SCPEP1: variants seen among roughly 807,000 people sequenced by gnomAD.
SCPEP1 encodes serine carboxypeptidase 1.
In SCPEP1, 51 loss-of-function variants were observed where a neutral mutation model predicts 63.8. The observed-to-expected ratio is 0.80, with a 90% CI of 0.64 to 1.01. SCPEP1 has a LOEUF of 1.01. SCPEP1 is among the 50% of genes least tolerant of loss of function. The pLI, the probability that SCPEP1 is intolerant of heterozygous loss-of-function variation, is 0.00. For synonymous variants in SCPEP1, 204 were observed against 207.8 expected, an observed-to-expected ratio of 0.98 and a Z score of 0.16; for missense variants, 499 against 554.9, an observed-to-expected ratio of 0.90 and a Z score of 1.01.
intron 5 of SCPEP1, 105 bp from the exon 6 acceptor site, chr17:56,990,994 A>G: frequency 1.2e-6 from 1 of 857,014 alleles, no homozygotes; most frequent in Non-Finnish European, 2.0e-6. Context: ...CTGGTCTTGT[A>G]TTCCTAGGCT....
chr17:56,995,381 C>A, intron 7 of SCPEP1, 126 bp from the exon 8 acceptor site: 3 of 977,464 alleles, frequency 3.1e-6, no homozygotes, highest in Non-Finnish European at 4.6e-6. Context: ...TGTAACAATA[C>A]ACTTTGATAT....
chr17:56,996,989 A>C lies in SCPEP1; in HGVS notation c.814A>C (p.Ile272Leu). The change falls in exon 9 of 13, where the codon ATC becomes CTC. Residue 272 changes from isoleucine (I) to leucine (L), a missense_variant. By Grantham distance (5) the Ile-to-Leu change is conservative. Coordinates refer to ENST00000262288, the MANE Select transcript of SCPEP1 (RefSeq NM_021626.3). ...QNTDGVNFYNILTKSTPTSTM... is the reference protein window; with the variant it reads ...QNTDGVNFYNLLTKSTPTSTM... ...CACAGATGGGGTGAACTTCTATAACATCTTAACTAAAAGCACTCCCACGTC... is the reference window on the plus strand; with the variant it reads ...CACAGATGGGGTGAACTTCTATAACCTCTTAACTAAAAGCACTCCCACGTC... 6.2e-7 allele frequency: 1 copy of C among 1,609,986 alleles called. No homozygotes were observed. Among genetic ancestry groups the C allele is most frequent in the Admixed American group, 1.7e-5 (1 of 59,288 alleles).
intron 12 of SCPEP1, among the ~76,000 whole-genome samples, chr17:57,004,689 G>A (rs747353029): frequency 6.6e-6 from 1 of 152,102 alleles, no homozygotes; most frequent in Non-Finnish European, 1.5e-5. Flanking sequence ...CACATAGACC[G>A]AAGGTACTTT....
Position 57,006,151 on chromosome 17 carries a change from C to T in SCPEP1, c.1297-22C>T, listed in dbSNP as rs201281220. ...CCAGGAATAGCACCAGGAGCACTAA[C>T]TCAGATGTTGTTTTTTTCTAGGTTC... is the stretch of plus-strand genomic sequence containing the variant. On this transcript the variant is annotated intron_variant, in intron 12 of 12. Coordinates refer to ENST00000262288, the MANE Select transcript of SCPEP1 (RefSeq NM_021626.3). The T allele has an allele frequency of 3.1e-4, 494 of 1,600,254 alleles. 3 individuals are homozygous for T. The highest frequency in any genetic ancestry group is 3.2e-5 in the Non-Finnish European group (38 of 1,171,494).
chr17:57,001,869 C>T (rs1911748002), intron 11 of SCPEP1, 149 bp from the exon 12 acceptor site: 1 of 835,618 alleles, frequency 1.2e-6, no homozygotes, highest in South Asian at 1.8e-5. Context: ...CTACCCTGAT[C>T]TTCTGAATCA....
intron 10 of SCPEP1, among the ~76,000 whole-genome samples, chr17:56,999,158 G>C (rs12602586): frequency 0.5 from 76,285 of 151,894 alleles, 19,565 homozygotes; most frequent in African/African-American, 0.55. Context: ...AAGCTACATC[G>C]AAGGCCACAG....
intron 3 of SCPEP1, among the ~76,000 whole-genome samples, chr17:56,986,686 C>T (rs1399638491): frequency 6.6e-6 from 1 of 152,104 alleles, no homozygotes; most frequent in Non-Finnish European, 1.5e-5. Context: ...GCTGGGACTA[C>T]AGGCGCCCGC....
chr17:56,993,756 T>A (rs185945950), intron 6 of SCPEP1, among the ~76,000 whole-genome samples: 121 of 152,300 alleles, frequency 7.9e-4, no homozygotes, highest in Non-Finnish European at 1.4e-3. Flanking sequence ...CGGTAAAAGT[T>A]AATTTACTGT....
At position 57,003,554 on chromosome 17, in the gene SCPEP1, A is replaced by C. The variant is rs138523155; in HGVS notation, c.1296+1373A>C. ...CAGCATTGTGGTTTGCGATGGAGGG[A>C]ATTTGCACAAGCTGAGTTTGAATTG... is the stretch of plus-strand genomic sequence containing the variant. On this transcript the variant is annotated intron_variant, in intron 12 of 12. Transcript: ENST00000262288. Among the ~76,000 whole-genome samples, 185 of 152,252 alleles carry C rather than the reference A, an allele frequency of 1.2e-3. 1 individual carries two copies. The highest frequency in any genetic ancestry group is 8.1e-3 in the South Asian group (39 of 4,822).
chr17:57,005,262 G>A lies in SCPEP1; in HGVS notation c.1297-911G>A, dbSNP rs1911849504. Among the ~76,000 whole-genome samples the A allele has an allele frequency of 2.6e-5, 4 of 152,154 alleles. No individual in the cohort carries two copies. In the South Asian group the frequency reaches 8.3e-4, roughly 31 times the overall value. ...GATGCTCAGCCTGCCCTAGAGAGAA[G>A]TCCCTGACGAGGCTGGTAGGAAGGC... On this transcript the variant is annotated intron_variant, in intron 12 of 12. Transcript: ENST00000262288.
Position 56,981,165 on chromosome 17 carries a change from T to C in SCPEP1, c.160T>C (p.Trp54Arg). Residue 54 changes from tryptophan to arginine, a missense_variant, in exon 2 of 13, where the codon TGG becomes CGG. Coordinates refer to ENST00000262288, the MANE Select transcript of SCPEP1 (RefSeq NM_021626.3). Reference protein sequence around the residue: ...TVRKDAYMFWWLYYATNSCKN... With the variant: ...TVRKDAYMFWRLYYATNSCKN... Reference sequence around the variant, plus strand: ...CCGCAAGGATGCCTACATGTTCTGGTGGCTCTATTATGCCACCAACTCCTG... The same window carrying C: ...CCGCAAGGATGCCTACATGTTCTGGCGGCTCTATTATGCCACCAACTCCTG... 1 of 1,614,168 alleles carries C rather than the reference T, an allele frequency of 6.2e-7. No individual in the cohort carries two copies. Among genetic ancestry groups the C allele is most frequent in the Non-Finnish European group, 8.5e-7 (1 of 1,180,024 alleles).
In SCPEP1 at chr17:56,981,213, C is replaced by G; in HGVS notation, c.208C>G (p.Leu70Val). Residue 70 changes from leucine to valine, a missense_variant, in exon 2 of 13, where the codon CTG becomes GTG. By Grantham distance (32) the Leu-to-Val change is conservative (BLOSUM62 1). Transcript: ENST00000262288. Reference sequence around the variant, plus strand: ...CTGCAAGAACTTCTCAGAACTGCCCCTGGTCATGTGGCTTCAGGTAAAGTA... The same window carrying G: ...CTGCAAGAACTTCTCAGAACTGCCCGTGGTCATGTGGCTTCAGGTAAAGTA... ...NSCKNFSELP[L>V]VMWLQGGPGG... is the part of the protein sequence containing the mutation. 1 of 1,614,172 alleles carries G rather than the reference C, an allele frequency of 6.2e-7. No individual in the cohort carries two copies. Among genetic ancestry groups the G allele is most frequent in the East Asian group, 2.2e-5 (1 of 44,880 alleles).
chr17:56,988,353 T>A, intron 5 of SCPEP1, 63 bp downstream of exon 5: 1 of 1,235,328 alleles, frequency 8.1e-7, no homozygotes. Context: ...TACTTTTATG[T>A]ACTCACGTGC....
Position 56,996,981 on chromosome 17 carries a change from T to C in SCPEP1, c.806T>C (p.Phe269Ser), listed in dbSNP as rs901397045. 1.2e-6 allele frequency: 2 copies of C among 1,607,290 alleles called. No homozygotes were observed. The highest frequency in any genetic ancestry group is 2.7e-5 in the African/African-American group (2 of 74,630). The change falls in exon 9 of 13, where the codon TTC becomes TCC. Residue 269 changes from phenylalanine (F) to serine (S), a missense_variant. Physicochemically the swap from Phe to Ser is radical, Grantham distance 155. Transcript: ENST00000262288. Reference sequence around the variant, plus strand: ...TTTCAGAACACAGATGGGGTGAACTTCTATAACATCTTAACTAAAAGCACT... The same window carrying C: ...TTTCAGAACACAGATGGGGTGAACTCCTATAACATCTTAACTAAAAGCACT... ...IIEQNTDGVN[F>S]YNILTKSTPT...
chr17:56,978,134 G>A lies in SCPEP1; in HGVS notation c.-26G>A. 8.2e-7 allele frequency: 1 copy of A among 1,214,398 alleles called. No individual in the cohort carries two copies. The highest frequency in any genetic ancestry group is 1.2e-6 in the Non-Finnish European group (1 of 839,962). The allele number at this position is 1,214,398 out of a possible 1,614,324, so 75.2% of individuals were successfully genotyped here. ...GATGGGGCGCCGGGTCCAGCCTGTT[G>A]CTGATGCTGCCGTGCGGTACTTGTC... On this transcript the variant is annotated 5_prime_UTR_variant, in exon 1 of 13. Transcript: ENST00000262288.
intron 1 of SCPEP1, 88 bp downstream of exon 1, chr17:56,978,323 CAT>C: frequency 7.2e-7 from 1 of 1,394,860 alleles, no homozygotes; most frequent in Non-Finnish European, 9.4e-7. Flanking sequence ...CTTTTGAAAA[CAT>C]GTCTCTTTTC....
At position 56,981,250 on chromosome 17, in the gene SCPEP1, TG is replaced by T. The variant is rs755859283; in HGVS notation, c.225+22del. The stretch of plus-strand genomic sequence containing the variant: ...CTTCAGGTAAAGTAGCTTCCCAGCC[TG>T]GCCTGAGGTCAAAGCCAAGTCTCCT... On this transcript the variant is annotated intron_variant, in intron 2 of 12. Transcript: ENST00000262288. 5 of 1,613,856 alleles carry T rather than the reference TG, an allele frequency of 3.1e-6. No homozygotes were observed. The highest frequency in any genetic ancestry group is 4.2e-6 in the Non-Finnish European group (5 of 1,179,886).
At chr17:57,000,360 G>C (rs556455161) in intron 10 of SCPEP1, among the ~76,000 whole-genome samples, 1 of 152,210 alleles carries the variant, frequency 6.6e-6, no homozygotes, top group East Asian at 1.9e-4. Context: ...CTCCTCTCTT[G>C]CCTGGGGCTT....
intron 10 of SCPEP1, among the ~76,000 whole-genome samples, chr17:56,998,900 G>A (rs1911655113): frequency 6.6e-6 from 1 of 152,162 alleles, no homozygotes; most frequent in African/African-American, 2.4e-5. Flanking sequence ...GGTACAGTGA[G>A]CTATGATTAT....
Sources: allele counts gnomAD v4.1 joint callset (sites outside exome capture counted in the v4.1 genomes callset), GRCh38; gene constraint gnomAD v4.1.1; transcripts MANE v1.5; gene names NCBI Gene and HGNC (gene_info 2026-07-23, HGNC 2026-07-21).